MAN1C1: variants seen among roughly 807,000 people sequenced by gnomAD.
MAN1C1 encodes mannosyl-oligosaccharide 1,2-alpha-mannosidase IC.
Under a neutral mutation model 71.5 loss-of-function variants are expected in MAN1C1, and 49 were observed. That is an observed-to-expected ratio of 0.69 (90% CI 0.54 to 0.87). The LOEUF (loss-of-function observed/expected upper bound fraction) is 0.87. Among genes scored for constraint, MAN1C1 ranks in the 40% least tolerant of loss-of-function variants. The probability of loss-of-function intolerance (pLI) is 0.00; values close to 1 mark genes in which losing one functional copy is unlikely to be tolerated. For missense variants in MAN1C1, 743 were observed against 835.0 expected, an observed-to-expected ratio of 0.89 and a Z score of 1.36; for synonymous variants, 352 against 343.7, an observed-to-expected ratio of 1.02 and a Z score of -0.27.
At chr1:25,762,561 A>C (rs2047375836) in intron 6 of MAN1C1, among the ~76,000 whole-genome samples, 1 of 151,948 alleles carries the variant, frequency 6.6e-6, no homozygotes, top group South Asian at 2.1e-4. Context: ...AGAGTAGCTA[A>C]GATTACAGGC....
At chr1:25,744,551 C>G (rs2047102536) in intron 2 of MAN1C1, among the ~76,000 whole-genome samples, 1 of 152,132 alleles carries the variant, frequency 6.6e-6, no homozygotes. Context: ...CTCCAGCCCT[C>G]TGCTCCCTCC....
chr1:25,737,128 C>T (rs1557785553), intron 2 of MAN1C1, among the ~76,000 whole-genome samples: 1 of 152,242 alleles, frequency 6.6e-6, no homozygotes, highest in African/African-American at 2.4e-5. Context: ...TTTTTAAACA[C>T]AGGTTTCCAG....
chr1:25,676,052 C>G lies in MAN1C1; in HGVS notation c.541-10388C>G, dbSNP rs115635582. ...AGGTACTCTGTTTCTGACGTGCCCC[C>G]TGGGTGGCCCTACTCCTGGTCCCTG... On this transcript the variant is annotated intron_variant, in intron 1 of 11. Transcript: ENST00000374332. 7.1e-3 allele frequency among the ~76,000 whole-genome samples: 1,077 copies of G among 152,278 alleles called. 15 individuals are homozygous for G. Among genetic ancestry groups the G allele is most frequent in the African/African-American group, 0.025 (1,030 of 41,558 alleles).
chr1:25,736,996 T>C (rs1346087155), intron 2 of MAN1C1, among the ~76,000 whole-genome samples: 1 of 152,190 alleles, frequency 6.6e-6, no homozygotes, highest in Non-Finnish European at 1.5e-5. Flanking sequence ...CTCTGGAAGG[T>C]GGCTTCTGGT....
At chr1:25,749,496 C>T (rs962392627) in intron 4 of MAN1C1, among the ~76,000 whole-genome samples, 161 bp downstream of exon 4, 1 of 152,204 alleles carries the variant, frequency 6.6e-6, no homozygotes, top group Non-Finnish European at 1.5e-5. Flanking sequence ...GTTTTCCCTC[C>T]GACCATCCCT....
Position 25,769,233 on chromosome 1 carries a change from C to T in MAN1C1, c.1142-2424C>T, listed in dbSNP as rs542375349. Among the ~76,000 whole-genome samples the T allele has an allele frequency of 4.7e-5, 7 of 148,978 alleles. No homozygotes were observed. The highest frequency in any genetic ancestry group is 2.1e-4 in the South Asian group (1 of 4,730). On this transcript the variant is annotated intron_variant, in intron 7 of 11. Transcript: ENST00000374332. This position sits in a 1 kb window ranked among gnomAD's most constrained non-coding sequence, Gnocchi z 4.8. ...ACACACTACACATAGTCCCCTCATACACTACACACCACACTCCTTGACACA... is the reference window on the plus strand; with the variant it reads ...ACACACTACACATAGTCCCCTCATATACTACACACCACACTCCTTGACACA...
At chr1:25,752,250 C>T (rs2047226232) in intron 4 of MAN1C1, among the ~76,000 whole-genome samples, 2 of 152,148 alleles carry the variant, frequency 1.3e-5, no homozygotes, top group African/African-American at 2.4e-5. Flanking sequence ...CAGCCAGGCT[C>T]GTGCCACCAT....
rs1359748176 is a variant in MAN1C1 at position 25,630,172 on chromosome 1, A to G, written c.540+11835A>G. ...GCCCTTTACCCTATTTAAAAAATAA[A>G]TATTTTTATATGCTTCATCAAAGAT... On this transcript the variant is annotated intron_variant, in intron 1 of 11. Coordinates refer to ENST00000374332, the MANE Select transcript of MAN1C1 (RefSeq NM_020379.4). Among the ~76,000 whole-genome samples the G allele has an allele frequency of 2.0e-5, 3 of 152,012 alleles. No individual in the cohort carries two copies. In the East Asian group the frequency reaches 5.8e-4, roughly 29 times the overall value.
intron 2 of MAN1C1, among the ~76,000 whole-genome samples, chr1:25,731,533 G>A (rs2046910002): frequency 6.6e-6 from 1 of 152,334 alleles, no homozygotes. Flanking sequence ...CTGACCAGAA[G>A]TCACACAGCT....
chr1:25,633,402 CCTCA>C (rs1177047973), intron 1 of MAN1C1, among the ~76,000 whole-genome samples: 1 of 151,718 alleles, frequency 6.6e-6, no homozygotes, highest in Non-Finnish European at 1.5e-5. Context: ...TATTAAAGTC[CCTCA>C]CTCATTTCTT....
chr1:25,635,443 T>A (rs111938998), intron 1 of MAN1C1, among the ~76,000 whole-genome samples: 1 of 150,154 alleles, frequency 6.7e-6, no homozygotes, highest in Non-Finnish European at 1.5e-5. Flanking sequence ...TCTTTCTTTT[T>A]TTTTTTTTTT....
rs1572196318 is a variant in MAN1C1, at chr1:25,753,651, T to A, written c.929+73T>A. 5 of 1,430,998 alleles carry A rather than the reference T, an allele frequency of 3.5e-6. No individual in the cohort carries two copies. In the East Asian group the frequency reaches 1.2e-4, roughly 34 times the overall value. 88.6% of individuals were successfully genotyped at this position (1,430,998 alleles called of 1,614,324 possible). On this transcript the variant is annotated intron_variant, in intron 5 of 11. Transcript: ENST00000374332. This position sits in a 1 kb window ranked among gnomAD's most constrained non-coding sequence, Gnocchi z 4.9. ...CACCATTTGTGTTTTGTCTGGGTGG[T>A]GCTGGTGAGGAGGCTCCAGGGGCAG...
At chr1:25,660,479 G>A (rs1261457642) in intron 1 of MAN1C1, among the ~76,000 whole-genome samples, 2 of 126,210 alleles carry the variant, frequency 1.6e-5, no homozygotes, top group East Asian at 2.6e-4. Context: ...TGCAAGCTCC[G>A]CCTCCCAGGT....
At chr1:25,723,073 G>A (rs772097205) in intron 2 of MAN1C1, among the ~76,000 whole-genome samples, 19 of 152,146 alleles carry the variant, frequency 1.2e-4, no homozygotes, top group African/African-American at 3.6e-4. Context: ...ATACCTCAGT[G>A]TAGGTCTCTT....
At chr1:25,623,355 C>T (rs1401469492) in intron 1 of MAN1C1, among the ~76,000 whole-genome samples, 5 of 151,986 alleles carry the variant, frequency 3.3e-5, no homozygotes, top group African/African-American at 9.7e-5. Context: ...CTTCTTAGGC[C>T]CCATATTCTT....
At chr1:25,623,895 T>A (rs1478696374) in intron 1 of MAN1C1, among the ~76,000 whole-genome samples, 1 of 152,192 alleles carries the variant, frequency 6.6e-6, no homozygotes. Context: ...GCTCATGGAT[T>A]TATGATTACA....
In MAN1C1 at chr1:25,631,962, G is replaced by C. The variant is rs1008002411; in HGVS notation, c.540+13625G>C. 5.3e-5 allele frequency among the ~76,000 whole-genome samples: 8 copies of C among 152,084 alleles called. No individual in the cohort carries two copies. Among genetic ancestry groups the C allele is most frequent in the Non-Finnish European group, 7.4e-5 (5 of 68,024 alleles). The stretch of plus-strand genomic sequence containing the variant: ...AATTTTTGTATTTTTTGTAGGATGG[G>C]GTTTCACCATGTTGGCTAGGCTGGT... On this transcript the variant is annotated intron_variant, in intron 1 of 11. Transcript: ENST00000374332. The surrounding 1 kb of genome is among the most constrained non-coding windows in gnomAD (Gnocchi z 4.2).
intron 1 of MAN1C1, among the ~76,000 whole-genome samples, chr1:25,673,258 G>A (rs893403987): frequency 1.3e-5 from 2 of 152,176 alleles, no homozygotes; most frequent in East Asian, 1.9e-4. Context: ...GGAGTATGCT[G>A]TGCCCAGGTG....
intron 1 of MAN1C1, among the ~76,000 whole-genome samples, chr1:25,628,430 C>G: frequency 6.6e-6 from 1 of 152,146 alleles, no homozygotes; most frequent in South Asian, 2.1e-4. Flanking sequence ...GCCTCAGTCT[C>G]CCGAGTAGCT....
Sources: gnomAD v4.1 joint callset for allele counts (sites outside exome capture counted in the v4.1 genomes callset) on GRCh38, gnomAD v4.1.1 for gene constraint, Gnocchi (gnomAD v3.1) non-coding constraint, MANE v1.5 for transcripts, NCBI Gene and HGNC (gene_info 2026-07-23, HGNC 2026-07-21) for gene names.